Variants in NOX4 observed in about 807,000 individuals in gnomAD.
The protein encoded by NOX4 is kidney oxidase-1.
A neutral mutation model predicts 87.6 loss-of-function variants in NOX4; 69 were observed. That is an observed-to-expected ratio of 0.79 (90% confidence interval 0.65 to 0.96). NOX4 has a LOEUF of 0.96. Ranked by LOEUF, NOX4 falls within the 40% of genes least tolerant of loss-of-function variation. The pLI is 0.00. For missense variants in NOX4, 680 were observed against 681.5 expected, an observed-to-expected ratio of 1.00 and a Z score of 0.02; for synonymous variants, 275 against 238.2, an observed-to-expected ratio of 1.15 and a Z score of -1.42.
intron 12 of NOX4, among the ~76,000 whole-genome samples, chr11:89,371,286 A>G (rs1482708333): frequency 6.6e-6 from 1 of 152,014 alleles, no homozygotes; most frequent in Non-Finnish European, 1.5e-5. Context: ...AGTCAACAAC[A>G]AAGAAGGTCT....
At chr11:89,534,276 C>T in the NOX4 span, among the ~76,000 whole-genome samples, 1 of 152,242 alleles carries the variant, frequency 6.6e-6, no homozygotes, top group Non-Finnish European at 1.5e-5. Flanking sequence ...AGTTTATGAG[C>T]TGGCCTCAGG....
chr11:89,371,885 T>C (rs1195579358), intron 12 of NOX4, among the ~76,000 whole-genome samples: 1 of 151,930 alleles, frequency 6.6e-6, no homozygotes, highest in African/African-American at 2.4e-5. Context: ...TTCACTTAGA[T>C]GTTTGCCCAT....
rs574515503 is a variant in NOX4 at position 89,430,948 on chromosome 11, C to A, written c.548+1836G>T. The stretch of plus-strand genomic sequence containing the variant: ...CTGGAGGCATCACGCTACCTGACTT[C>A]AAACAATACTACAAGGCTGCAGTAA... On this transcript the variant is annotated intron_variant, in intron 7 of 17. Coordinates refer to ENST00000263317, the MANE Select transcript of NOX4 (RefSeq NM_016931.5). Among the ~76,000 whole-genome samples the A allele has an allele frequency of 1.9e-3, 290 of 152,292 alleles. 1 individual carries two copies. The highest frequency in any genetic ancestry group is 3.4e-3 in the Non-Finnish European group (229 of 68,028).
At chr11:89,448,034 T>C (rs1944785079) in intron 4 of NOX4, among the ~76,000 whole-genome samples, 1 of 152,202 alleles carries the variant, frequency 6.6e-6, no homozygotes, top group Non-Finnish European at 1.5e-5. Flanking sequence ...GGCCCTGCTA[T>C]CAAAACAGCT....
chr11:89,423,753 A>AATAT (rs146870519), intron 7 of NOX4, among the ~76,000 whole-genome samples: 8,940 of 151,182 alleles, frequency 0.059, 330 homozygotes, highest in Non-Finnish European at 0.083. Flanking sequence ...ACTCCTTAAA[A>AATAT]ATATATATAT....
chr11:89,488,209 C>A (rs1946706848), intron 2 of NOX4, among the ~76,000 whole-genome samples: 1 of 151,998 alleles, frequency 6.6e-6, no homozygotes, highest in African/African-American at 2.4e-5. Context: ...ACAACCTCTC[C>A]TTTCTTGAAT....
chr11:89,552,411 CT>C, the NOX4 span, among the ~76,000 whole-genome samples: 1 of 152,094 alleles, frequency 6.6e-6, no homozygotes, highest in Non-Finnish European at 1.5e-5. Context: ...TCCTTTAATT[CT>C]TTTGGTAGTT....
At chr11:89,529,872 T>C in the NOX4 span, among the ~76,000 whole-genome samples, 1,347 of 152,216 alleles carry the variant, frequency 8.8e-3, 19 homozygotes, top group African/African-American at 0.031. Flanking sequence ...ATGAAGAAAT[T>C]ATGTGGGTAA....
intron 15 of NOX4, among the ~76,000 whole-genome samples, chr11:89,339,082 C>A (rs1009888662): frequency 6.6e-6 from 1 of 152,112 alleles, no homozygotes; most frequent in Non-Finnish European, 1.5e-5. Context: ...TAAATATACA[C>A]TGAATGATAG....
At position 89,441,905 on chromosome 11, in the gene NOX4, C is replaced by T. The variant is rs533084182; in HGVS notation, c.448-1190G>A. Among the ~76,000 whole-genome samples the T allele has an allele frequency of 4.7e-5, 7 of 148,482 alleles. No homozygotes were observed. The East Asian group carries it at 1.4e-3, about 29-fold the overall frequency. ...ACAATAGGGTATATTGGCACAAAACCATCTTTTTCAAAAGTGCTTCACAAA... is the reference window on the plus strand; with the variant it reads ...ACAATAGGGTATATTGGCACAAAACTATCTTTTTCAAAAGTGCTTCACAAA... On this transcript the variant is annotated intron_variant, in intron 5 of 17. Transcript: ENST00000263317.
chr11:89,570,501 A>T, the NOX4 span, among the ~76,000 whole-genome samples: 19 of 152,332 alleles, frequency 1.2e-4, no homozygotes, highest in Non-Finnish European at 2.5e-4. Context: ...ACCTAAAAAA[A>T]GTTGGAAAGA....
At chr11:89,407,322 T>A (rs185067421) in intron 8 of NOX4, among the ~76,000 whole-genome samples, 242 of 151,694 alleles carry the variant, frequency 1.6e-3, no homozygotes, top group African/African-American at 5.6e-3. Context: ...AAACAGAGAG[T>A]CTTGCCAAGT....
At chr11:89,511,893 C>A in the NOX4 span, among the ~76,000 whole-genome samples, 1 of 152,028 alleles carries the variant, frequency 6.6e-6, no homozygotes, top group African/African-American at 2.4e-5. Context: ...AAGACGAGGA[C>A]AATTTACTGA....
intron 6 of NOX4, among the ~76,000 whole-genome samples, chr11:89,434,534 C>G (rs528809042): frequency 1.3e-5 from 2 of 152,094 alleles, no homozygotes; most frequent in South Asian, 4.1e-4. Flanking sequence ...CTCTAAAGAA[C>G]TAGCAGCATG....
chr11:89,356,659 T>G, intron 12 of NOX4, among the ~76,000 whole-genome samples: 1 of 152,148 alleles, frequency 6.6e-6, no homozygotes, highest in South Asian at 2.1e-4. Flanking sequence ...CAACTTGTGC[T>G]TCCACCTTCA....
intron 11 of NOX4, among the ~76,000 whole-genome samples, chr11:89,380,527 T>C (rs959408596): frequency 1.1e-4 from 16 of 152,136 alleles, no homozygotes; most frequent in African/African-American, 3.9e-4. Context: ...AAAGAAACTT[T>C]CATTGATCAT....
At chr11:89,572,468 G>T in the NOX4 span, among the ~76,000 whole-genome samples, 1 of 152,138 alleles carries the variant, frequency 6.6e-6, no homozygotes, top group South Asian at 2.1e-4. Flanking sequence ...TTGGCTAATT[G>T]CTATTAAGTT....
chr11:89,395,532 C>CT (rs1157134522), intron 11 of NOX4, among the ~76,000 whole-genome samples: 1 of 152,230 alleles, frequency 6.6e-6, no homozygotes, highest in Admixed American at 6.5e-5. Context: ...CCTATTTTGG[C>CT]TTTTTTTGCT....
At chr11:89,390,805 T>C (rs1051778090) in intron 11 of NOX4, among the ~76,000 whole-genome samples, 2 of 152,182 alleles carry the variant, frequency 1.3e-5, no homozygotes, top group African/African-American at 4.8e-5. Flanking sequence ...ACCTTTGCCA[T>C]AGGTACATTT....
Sources: allele counts gnomAD v4.1 joint callset (sites outside exome capture counted in the v4.1 genomes callset), GRCh38; gene constraint gnomAD v4.1.1; transcripts MANE v1.5; gene names NCBI Gene and HGNC (gene_info 2026-07-23, HGNC 2026-07-21).